The following SUB1 variants were observed in gnomAD, a reference collection of about 807,000 sequenced individuals.
The protein encoded by SUB1 is SUB1 regulator of transcription, also known as activated RNA polymerase II transcriptional coactivator p15.
Under a neutral mutation model 16.9 loss-of-function variants are expected in SUB1, and 1 was observed. That is an observed-to-expected ratio of 0.06 (90% CI 0.02 to 0.28). SUB1 has a LOEUF of 0.28. Ranked by LOEUF, SUB1 falls within the 10% of genes least tolerant of loss-of-function variation. The pLI is 1.00. For missense variants in SUB1, 84 were observed against 145.2 expected (o/e 0.58, Z 2.16); for synonymous variants, 51 against 46.9 (o/e 1.09, Z -0.36).
At chr5:32,600,468 A>G (rs917618222) in intron 4 of SUB1, among the ~76,000 whole-genome samples, 10 of 152,242 alleles carry the variant, frequency 6.6e-5, no homozygotes, top group African/African-American at 2.2e-4. Flanking sequence ...CATTGGTTAC[A>G]ATAGGTACTA....
intron 3 of SUB1, chr5:32,595,494 A>G (rs1478496061): frequency 6.6e-6 from 1 of 152,242 alleles, no homozygotes; most frequent in Non-Finnish European, 1.5e-5. Context: ...CTTGTTGCAT[A>G]TATCAGTAAT....
intron 1 of SUB1, among the ~76,000 whole-genome samples, chr5:32,586,993 A>AT (rs913101351): frequency 4.9e-4 from 74 of 151,630 alleles, no homozygotes; most frequent in African/African-American, 1.5e-3. Flanking sequence ...ATTATTTATG[A>AT]TTTTTTTTTA....
rs535323994 is a variant in SUB1 at position 32,603,252 on chromosome 5, GC to G, written c.*2169del. On this transcript the variant is annotated 3_prime_UTR_variant, in exon 5 of 5. Coordinates refer to ENST00000265073, the MANE Select transcript of SUB1 (RefSeq NM_006713.4). ...ATAGGAAAAGAGAACTGGGTTAAAA[GC>G]AAATTAACTTGTTCTGAAAAGAAAG... 15 of 152,084 alleles carry G rather than the reference GC, an allele frequency of 9.9e-5. No individual in the cohort carries two copies. Among genetic ancestry groups the G allele is most frequent in the Non-Finnish European group, 1.9e-4 (13 of 67,980 alleles). 9.4% of individuals were successfully genotyped at this position (152,084 alleles called of 1,614,324 possible).
At chr5:32,591,028 C>T (rs1348509413) in intron 2 of SUB1, among the ~76,000 whole-genome samples, 2 of 152,014 alleles carry the variant, frequency 1.3e-5, no homozygotes, top group African/African-American at 4.8e-5. Context: ...CTCGGACTCC[C>T]AAAGTGCTGG....
chr5:32,595,229 C>CA (rs769107887), intron 3 of SUB1: 1 of 151,564 alleles, frequency 6.6e-6, no homozygotes, highest in African/African-American at 2.4e-5. Flanking sequence ...AGTTTATGTC[C>CA]AATAAAACGC....
intron 2 of SUB1, among the ~76,000 whole-genome samples, chr5:32,589,320 C>A (rs1334435536): frequency 6.6e-6 from 1 of 152,162 alleles, no homozygotes; most frequent in African/African-American, 2.4e-5. Context: ...CTCCTGGCCT[C>A]AGGCAATTCT....
At chr5:32,589,485 A>G (rs963958063) in intron 2 of SUB1, among the ~76,000 whole-genome samples, 1 of 152,204 alleles carries the variant, frequency 6.6e-6, no homozygotes. Context: ...AGTTTGTACT[A>G]AGTTTGTGCT....
At chr5:32,598,871 G>A in intron 3 of SUB1, 90 bp from the exon 4 acceptor site, 2 of 957,174 alleles carry the variant, frequency 2.1e-6, no homozygotes, top group Non-Finnish European at 3.3e-6. Flanking sequence ...GATGTAGAGT[G>A]AGCATGCAGC....
At chr5:32,593,969 G>C (rs879495466) in intron 3 of SUB1, among the ~76,000 whole-genome samples, 4 of 152,164 alleles carry the variant, frequency 2.6e-5, no homozygotes, top group Non-Finnish European at 5.9e-5. Flanking sequence ...TGGGATTACA[G>C]GTGTGAGCCA....
intron 3 of SUB1, chr5:32,598,020 A>G (rs1739019867): frequency 6.6e-6 from 1 of 152,216 alleles, no homozygotes; most frequent in Non-Finnish European, 1.5e-5. Context: ...CCACAGCTGC[A>G]GATTTCAGTC....
chr5:32,585,880 C>T (rs1248821694), intron 1 of SUB1: 1 of 152,918 alleles, frequency 6.5e-6, no homozygotes, highest in African/African-American at 2.4e-5. Context: ...GCGCTGCGGC[C>T]CGGGGCGGTA....
At position 32,591,546 on chromosome 5, in the gene SUB1, A is replaced by G. The variant is rs760086768; in HGVS notation, c.73-17A>G. The G allele has an allele frequency of 6.3e-7, 1 of 1,581,478 alleles. No individual in the cohort carries two copies. The highest frequency in any genetic ancestry group is 8.6e-7 in the Non-Finnish European group (1 of 1,169,174). ...TTTATTTTTATGTGTGCAAATTTTA[A>G]CCATATTCTTTTCTAGTTAAAGAGG... On this transcript the variant is annotated splice_polypyrimidine_tract_variant and intron_variant, in intron 2 of 4. Coordinates refer to ENST00000265073, the MANE Select transcript of SUB1 (RefSeq NM_006713.4).
At chr5:32,588,472 G>A in intron 1 of SUB1, 40 bp from the exon 2 acceptor site, 1 of 1,566,386 alleles carries the variant, frequency 6.4e-7, no homozygotes, top group Non-Finnish European at 8.7e-7. Context: ...AAGTAGTAGA[G>A]TACCTTATTA....
Position 32,601,107 on chromosome 5 carries a change from C to T in SUB1, c.*23C>T, listed in dbSNP as rs1268879788. On this transcript the variant is annotated 3_prime_UTR_variant, in exon 5 of 5. Transcript: ENST00000265073. The stretch of plus-strand genomic sequence containing the variant: ...TAAAATTCGAGCCATATAAATAAAA[C>T]CTGTACTGTTCTAGTTGTTTTAATC... The T allele has an allele frequency of 1.9e-6, 3 of 1,573,398 alleles. No homozygotes were observed. The highest frequency in any genetic ancestry group is 1.1e-5 in the South Asian group (1 of 89,958).
In SUB1 at chr5:32,591,428, C is replaced by T. The variant is rs551763061; in HGVS notation, c.73-135C>T. On this transcript the variant is annotated intron_variant, in intron 2 of 4. Coordinates refer to ENST00000265073, the MANE Select transcript of SUB1 (RefSeq NM_006713.4). Reference sequence around the variant, plus strand: ...TTCATAGTTTTGTTGTTGAGTGAAACTTGCTTATGTATATATTTATGATAT... The same window carrying T: ...TTCATAGTTTTGTTGTTGAGTGAAATTTGCTTATGTATATATTTATGATAT... 14 of 1,221,342 alleles carry T rather than the reference C, an allele frequency of 1.1e-5. No individual in the cohort carries two copies. In the African/African-American group the frequency reaches 1.7e-4, roughly 15 times the overall value. 75.7% of individuals were successfully genotyped at this position (1,221,342 alleles called of 1,614,324 possible). A position where few individuals can be genotyped will look rare whatever the true frequency, so the allele number is the denominator to read the frequency against.
chr5:32,586,442 A>G (rs1044223035), intron 1 of SUB1: 1 of 152,346 alleles, frequency 6.6e-6, no homozygotes, highest in Admixed American at 6.5e-5. Context: ...TTTCAGTATC[A>G]GTTACTTGAA....
Position 32,591,608 on chromosome 5 carries a change from CAAA to C in SUB1, c.120_122del (p.Lys41del). ...TGCTCCAGAAAAACCTGTAAAGAAACAAAAGACAGGTGAGACTTCGAGAGCCCT... is the reference window on the plus strand; with the variant it reads ...TGCTCCAGAAAAACCTGTAAAGAAACAGACAGGTGAGACTTCGAGAGCCCT... On this transcript the variant is annotated inframe_deletion, in exon 3 of 5. Transcript: ENST00000265073. The C allele has an allele frequency of 1.2e-6, 2 of 1,604,848 alleles. No individual in the cohort carries two copies. The highest frequency in any genetic ancestry group is 1.7e-6 in the Non-Finnish European group (2 of 1,175,670).
chr5:32,588,328 G>A (rs896487040), intron 1 of SUB1, among the ~76,000 whole-genome samples, 184 bp from the exon 2 acceptor site: 2 of 152,130 alleles, frequency 1.3e-5, no homozygotes, highest in Non-Finnish European at 2.9e-5. Flanking sequence ...TGCACCCTGC[G>A]TGTTATTTGC....
At chr5:32,600,863 C>T (rs1243108807) in intron 4 of SUB1, 142 bp from the exon 5 acceptor site, 3 of 657,140 alleles carry the variant, frequency 4.6e-6, no homozygotes, top group South Asian at 1.6e-5. Context: ...CCTTGGCCTC[C>T]CAAAGTGCTG....
Sources: gnomAD v4.1 joint callset for allele counts (sites outside exome capture counted in the v4.1 genomes callset) on GRCh38, gnomAD v4.1.1 for gene constraint, MANE v1.5 for transcripts, NCBI Gene and HGNC (gene_info 2026-07-23, HGNC 2026-07-21) for gene names.